IQCM: variants seen among roughly 807,000 people sequenced by gnomAD.
IQCM encodes IQ motif containing M.
Under a neutral mutation model 57.6 loss-of-function variants are expected in IQCM, and 45 were observed. That is an observed-to-expected ratio of 0.78 (90% CI 0.62 to 1.00). IQCM has a LOEUF of 1.00. Ranked by LOEUF, IQCM falls within the 50% of genes least tolerant of loss-of-function variation. The pLI is 0.00. For missense variants in IQCM, 468 were observed against 511.6 expected (o/e 0.91, Z 0.82); for synonymous variants, 148 against 158.9 (o/e 0.93, Z 0.51).
chr4:149,519,132 C>T (rs1296449466), intron 12 of IQCM, among the ~76,000 whole-genome samples: 3 of 152,010 alleles, frequency 2.0e-5, no homozygotes, highest in Non-Finnish European at 2.9e-5. Flanking sequence ...CTTTCTGAAT[C>T]GAGTAAAAGC....
intron 13 of IQCM, among the ~76,000 whole-genome samples, chr4:149,353,164 G>A (rs1728693482): frequency 6.6e-6 from 1 of 152,022 alleles, no homozygotes; most frequent in Non-Finnish European, 1.5e-5. Flanking sequence ...TTTAAAAATG[G>A]ACAACAGGTA....
chr4:149,404,768 C>G (rs1243111088), intron 13 of IQCM, among the ~76,000 whole-genome samples: 1 of 151,970 alleles, frequency 6.6e-6, no homozygotes, highest in East Asian at 1.9e-4. Flanking sequence ...AAGAATTGTA[C>G]AGAAAATATG....
intron 9 of IQCM, among the ~76,000 whole-genome samples, chr4:149,575,305 G>A (rs1417616695): frequency 6.6e-6 from 1 of 151,826 alleles, no homozygotes; most frequent in East Asian, 1.9e-4. Context: ...TTTTTAAGGG[G>A]AGGGATGTAA....
intron 12 of IQCM, among the ~76,000 whole-genome samples, chr4:149,509,271 T>C (rs1744157695): frequency 6.6e-6 from 1 of 151,974 alleles, no homozygotes; most frequent in South Asian, 2.1e-4. Flanking sequence ...TTTGACTTTT[T>C]CTTTTTTCTT....
At chr4:149,644,408 TA>T (rs1758465877) in intron 7 of IQCM, among the ~76,000 whole-genome samples, 1 of 152,228 alleles carries the variant, frequency 6.6e-6, no homozygotes, top group Non-Finnish European at 1.5e-5. Flanking sequence ...ATCTTAGCTT[TA>T]ACTTTTTATT....
intron 7 of IQCM, among the ~76,000 whole-genome samples, chr4:149,671,732 T>G (rs1375258456): frequency 6.6e-6 from 1 of 152,210 alleles, no homozygotes; most frequent in African/African-American, 2.4e-5. Flanking sequence ...CATTTCGTTA[T>G]GTACCCAGTA....
chr4:149,486,530 C>T (rs955659674), intron 12 of IQCM, among the ~76,000 whole-genome samples: 2 of 152,108 alleles, frequency 1.3e-5, no homozygotes, highest in African/African-American at 4.8e-5. Context: ...AGGTGAATCA[C>T]AAGGTCAGGA....
chr4:149,445,610 T>C lies in IQCM; in HGVS notation c.1229-12053A>G, dbSNP rs116645143. On this transcript the variant is annotated intron_variant, in intron 12 of 13. Coordinates refer to ENST00000636793, the MANE Select transcript of IQCM (RefSeq NM_001363507.2). The stretch of plus-strand genomic sequence containing the variant: ...TCATTCTGCTAAATGTTGCCTGTGC[T>C]TAGGGTAATTGTTATCATCATTGGG... Among the ~76,000 whole-genome samples the C allele has an allele frequency of 1.0e-2, 1,515 of 151,878 alleles. 11 individuals carry two copies. The highest frequency in any genetic ancestry group is 0.016 in the Non-Finnish European group (1,118 of 67,822).
intron 13 of IQCM, among the ~76,000 whole-genome samples, chr4:149,354,409 T>G (rs1341188152): frequency 1.4e-5 from 2 of 141,396 alleles, no homozygotes; most frequent in African/African-American, 2.6e-5. Context: ...TAGGCCACAG[T>G]AATTGCAAAA....
intron 13 of IQCM, among the ~76,000 whole-genome samples, chr4:149,355,255 T>C (rs556172443): frequency 6.6e-6 from 1 of 152,250 alleles, no homozygotes; most frequent in South Asian, 2.1e-4. Flanking sequence ...AATTTTTTAT[T>C]ATTGTACTTT....
At position 149,462,097 on chromosome 4, in the gene IQCM, G is replaced by A. The variant is rs1379086184; in HGVS notation, c.1229-28540C>T. Among the ~76,000 whole-genome samples, 5 of 152,176 alleles carry A rather than the reference G, an allele frequency of 3.3e-5. No individual in the cohort carries two copies. In the East Asian group the frequency reaches 9.7e-4, roughly 29 times the overall value. On this transcript the variant is annotated intron_variant, in intron 12 of 13. Coordinates refer to ENST00000636793, the MANE Select transcript of IQCM (RefSeq NM_001363507.2). Reference sequence around the variant, plus strand: ...AGGTTTTATATGTAATACATATTGAGTGATCTATGAATTATTTGGAAATTT... The same window carrying A: ...AGGTTTTATATGTAATACATATTGAATGATCTATGAATTATTTGGAAATTT...
At chr4:149,479,784 A>G (rs1296639814) in intron 12 of IQCM, among the ~76,000 whole-genome samples, 2 of 152,184 alleles carry the variant, frequency 1.3e-5, no homozygotes, top group Non-Finnish European at 2.9e-5. Context: ...AACCAGGGAC[A>G]GCCTGGTGCA....
intron 13 of IQCM, among the ~76,000 whole-genome samples, chr4:149,375,941 A>C (rs1730673784): frequency 6.6e-6 from 1 of 152,198 alleles, no homozygotes; most frequent in Non-Finnish European, 1.5e-5. Flanking sequence ...CAAACATATT[A>C]AAATCATGGA....
At chr4:149,804,858 C>T (rs1357680077) in intron 2 of IQCM, among the ~76,000 whole-genome samples, 1 of 152,016 alleles carries the variant, frequency 6.6e-6, no homozygotes, top group Non-Finnish European at 1.5e-5. Flanking sequence ...TCCACGGACA[C>T]TTTCTGGATA....
chr4:149,605,904 C>T lies in IQCM; in HGVS notation c.681+15225G>A, dbSNP rs533667839. Among the ~76,000 whole-genome samples, 6 of 152,216 alleles carry T rather than the reference C, an allele frequency of 3.9e-5. No individual in the cohort carries two copies. In the East Asian group the frequency reaches 7.8e-4, roughly 20 times the overall value. On this transcript the variant is annotated intron_variant, in intron 8 of 13. Transcript: ENST00000636793. The stretch of plus-strand genomic sequence containing the variant: ...CTTGCAACTTGAATACCAGCTCAGC[C>T]ACAGTAAAATAAAGTACCAGAAAAA...
intron 7 of IQCM, among the ~76,000 whole-genome samples, chr4:149,656,725 G>A (rs967346939): frequency 6.6e-6 from 1 of 152,106 alleles, no homozygotes; most frequent in Non-Finnish European, 1.5e-5. Flanking sequence ...AGGCAGGTGG[G>A]AAGCCTGGAG....
chr4:149,787,935 A>G (rs1772219423), intron 2 of IQCM, among the ~76,000 whole-genome samples: 1 of 152,248 alleles, frequency 6.6e-6, no homozygotes, highest in South Asian at 2.1e-4. Flanking sequence ...TTTGTCTGAC[A>G]AAATAATATT....
chr4:149,754,542 A>C (rs138431426), intron 2 of IQCM, among the ~76,000 whole-genome samples: 1 of 152,182 alleles, frequency 6.6e-6, no homozygotes, highest in Admixed American at 6.5e-5. Flanking sequence ...TGTCAATCTT[A>C]GTCCTCATCT....
chr4:149,498,835 G>C (rs1742937946), intron 12 of IQCM, among the ~76,000 whole-genome samples: 1 of 152,148 alleles, frequency 6.6e-6, no homozygotes, highest in Non-Finnish European at 1.5e-5. Context: ...TCTAGCCAAA[G>C]CCCACCGGTT....
Sources: allele counts gnomAD v4.1 joint callset (sites outside exome capture counted in the v4.1 genomes callset), GRCh38; gene constraint gnomAD v4.1.1; transcripts MANE v1.5; gene names NCBI Gene and HGNC (gene_info 2026-07-23, HGNC 2026-07-21).